Variants in RORA observed in about 807,000 individuals in gnomAD.
RORA encodes nuclear receptor ROR-alpha.
A neutral mutation model predicts 69.5 loss-of-function variants in RORA; 7 were observed. That is an observed-to-expected ratio of 0.10 (90% CI 0.06 to 0.19). The LOEUF is 0.19. RORA is among the 10% of genes least tolerant of loss of function. The pLI, the probability that RORA is intolerant of heterozygous loss-of-function variation, is 1.00. For missense variants in RORA, 457 were observed against 663.0 expected, an observed-to-expected ratio of 0.69 and a Z score of 3.41; for synonymous variants, 261 against 240.8, an observed-to-expected ratio of 1.08 and a Z score of -0.78.
chr15:61,156,314 G>C (rs1187135928), intron 1 of RORA, among the ~76,000 whole-genome samples: 1 of 152,124 alleles, frequency 6.6e-6, no homozygotes, highest in Non-Finnish European at 1.5e-5. Context: ...TTTTGCAAAT[G>C]GTCCAATAGT....
chr15:60,642,604 C>T (rs1429188170), intron 2 of RORA, among the ~76,000 whole-genome samples: 1 of 152,196 alleles, frequency 6.6e-6, no homozygotes, highest in Non-Finnish European at 1.5e-5. Flanking sequence ...GAAATCTCTT[C>T]ACACTGCTCG....
At chr15:60,506,081 T>C (rs2065491474) in intron 5 of RORA, among the ~76,000 whole-genome samples, 1 of 152,228 alleles carries the variant, frequency 6.6e-6, no homozygotes, top group Non-Finnish European at 1.5e-5. Flanking sequence ...ATTTCTTTTG[T>C]TTTTCCTGCA....
intron 1 of RORA, among the ~76,000 whole-genome samples, chr15:60,912,283 T>C (rs886975210): frequency 2.0e-5 from 3 of 151,626 alleles, no homozygotes; most frequent in Non-Finnish European, 4.4e-5. Context: ...TAGCCAGATG[T>C]GGGGGGGCTG....
intron 1 of RORA, among the ~76,000 whole-genome samples, chr15:60,889,691 A>G (rs1036180436): frequency 6.6e-6 from 1 of 152,230 alleles, no homozygotes; most frequent in Non-Finnish European, 1.5e-5. Flanking sequence ...GCAAAGATAC[A>G]CAATCCCCCA....
At chr15:60,801,278 T>A (rs973452072) in intron 1 of RORA, among the ~76,000 whole-genome samples, 2 of 152,082 alleles carry the variant, frequency 1.3e-5, no homozygotes, top group Non-Finnish European at 2.9e-5. Context: ...CCCTCCCCCC[T>A]CCTTCGACAG....
At chr15:61,137,850 A>G (rs777449833) in intron 1 of RORA, among the ~76,000 whole-genome samples, 11 of 152,242 alleles carry the variant, frequency 7.2e-5, no homozygotes, top group Admixed American at 4.6e-4. Context: ...TCACACAATC[A>G]GTAAATTCAC....
chr15:60,681,546 T>C (rs914838746), intron 1 of RORA: 10 of 152,208 alleles, frequency 6.6e-5, no homozygotes, highest in South Asian at 4.1e-4. Context: ...TCTAGAATGT[T>C]CCGGAATATT....
At chr15:61,059,981 AGG>A (rs1566968718) in intron 1 of RORA, among the ~76,000 whole-genome samples, 32 of 127,684 alleles carry the variant, frequency 2.5e-4, no homozygotes, top group African/African-American at 8.1e-4. Flanking sequence ...GAAGAGGAAG[AGG>A]AAGAGGAAGA....
chr15:60,861,813 T>C (rs902199995), intron 1 of RORA, among the ~76,000 whole-genome samples: 1 of 152,170 alleles, frequency 6.6e-6, no homozygotes, highest in Non-Finnish European at 1.5e-5. Flanking sequence ...GCCATACCAC[T>C]CAGGCTTAAG....
At chr15:61,185,916 G>GCC (rs1471060945) in intron 1 of RORA, among the ~76,000 whole-genome samples, 1 of 151,972 alleles carries the variant, frequency 6.6e-6, no homozygotes, top group Non-Finnish European at 1.5e-5. Flanking sequence ...TCCCTGGAAT[G>GCC]CCCCACCCTG....
chr15:60,791,527 A>G lies in RORA; in HGVS notation c.167-112841T>C, dbSNP rs540960112. ...TGGGAGCACTCCCAAGTTAGCTTTC[A>G]GCTCTGGATAGCTTGAACTGTCAGA... On this transcript the variant is annotated intron_variant, in intron 1 of 10. Transcript: ENST00000335670. Among the ~76,000 whole-genome samples, 4 of 152,366 alleles carry G rather than the reference A, an allele frequency of 2.6e-5. No individual in the cohort carries two copies. In the East Asian group the frequency reaches 7.7e-4, roughly 29 times the overall value.
chr15:61,138,967 A>G (rs891212307), intron 1 of RORA, among the ~76,000 whole-genome samples: 2 of 152,016 alleles, frequency 1.3e-5, no homozygotes, highest in Non-Finnish European at 2.9e-5. Flanking sequence ...AACAGGGTGA[A>G]ACCCCGTCTC....
Position 60,596,623 on chromosome 15 carries a change from T to C in RORA, c.197-64772A>G, listed in dbSNP as rs918330888. Among the ~76,000 whole-genome samples, 6 of 152,092 alleles carry C rather than the reference T, an allele frequency of 3.9e-5. No homozygotes were observed. In the South Asian group the frequency reaches 6.2e-4, roughly 16 times the overall value. On this transcript the variant is annotated intron_variant, in intron 2 of 10. Transcript: ENST00000335670. ...TATGAGTCCAGAAGGAGCCAGTTTCTCATAAAGGAACACTTACAAATGGAG... is the reference window on the plus strand; with the variant it reads ...TATGAGTCCAGAAGGAGCCAGTTTCCCATAAAGGAACACTTACAAATGGAG...
chr15:60,985,357 T>C (rs1398807255), intron 1 of RORA, among the ~76,000 whole-genome samples: 1 of 151,386 alleles, frequency 6.6e-6, no homozygotes, highest in Non-Finnish European at 1.5e-5. Flanking sequence ...ATTTTTTAAA[T>C]TAGGTAGAAA....
At chr15:61,090,883 G>A (rs1170655569) in intron 1 of RORA, among the ~76,000 whole-genome samples, 2 of 151,206 alleles carry the variant, frequency 1.3e-5, no homozygotes, top group South Asian at 2.1e-4. Context: ...TCACCACCTC[G>A]ACACACGCAG....
chr15:60,946,458 C>T (rs1341464848), intron 1 of RORA, among the ~76,000 whole-genome samples: 10 of 152,184 alleles, frequency 6.6e-5, no homozygotes, highest in Admixed American at 2.0e-4. Context: ...TTGGTGGAGA[C>T]GGGGTTTCGC....
At chr15:61,158,873 C>T (rs1207301058) in intron 1 of RORA, among the ~76,000 whole-genome samples, 11 of 152,060 alleles carry the variant, frequency 7.2e-5, no homozygotes, top group Non-Finnish European at 1.5e-5. Context: ...TGGGGAGGTC[C>T]GCAAGGAAAA....
At chr15:61,165,206 C>T (rs1273942242) in intron 1 of RORA, among the ~76,000 whole-genome samples, 2 of 152,250 alleles carry the variant, frequency 1.3e-5, no homozygotes, top group African/African-American at 4.8e-5. Context: ...GTCAACACCA[C>T]ACCAGGCATC....
chr15:60,643,056 C>G (rs2069972841), intron 2 of RORA, among the ~76,000 whole-genome samples: 1 of 152,224 alleles, frequency 6.6e-6, no homozygotes, highest in Non-Finnish European at 1.5e-5. Context: ...ACTCGGGAGG[C>G]TGAGGCATGA....
Sources: gnomAD v4.1 joint callset for allele counts (sites outside exome capture counted in the v4.1 genomes callset) on GRCh38, gnomAD v4.1.1 for gene constraint, MANE v1.5 for transcripts, NCBI Gene and HGNC (gene_info 2026-07-23, HGNC 2026-07-21) for gene names.